Variants in LIMS1 observed in about 807,000 individuals in gnomAD.
LIMS1 encodes LIM zinc finger domain containing 1.
In LIMS1, 18 loss-of-function variants were observed where a neutral mutation model predicts 44.1. The ratio of observed to expected loss-of-function variants is 0.41; its 90% confidence interval spans 0.28 to 0.61. The LOEUF (loss-of-function observed/expected upper bound fraction) is 0.61. Ranked by LOEUF, LIMS1 falls within the 20% of genes least tolerant of loss-of-function variation. The probability of loss-of-function intolerance (pLI) is 0.32; values close to 1 mark genes in which losing one functional copy is unlikely to be tolerated. For synonymous variants in LIMS1, 93 were observed against 149.1 expected, an observed-to-expected ratio of 0.62 and a Z score of 2.74; for missense variants, 201 against 422.0, an observed-to-expected ratio of 0.48 and a Z score of 4.59.
chr2:108,595,460 CTATATT>C, intron 1 of LIMS1, among the ~76,000 whole-genome samples: 1 of 152,224 alleles, frequency 6.6e-6, no homozygotes, highest in East Asian at 1.9e-4. Flanking sequence ...AGGGACCATC[CTATATT>C]TATAATATTC....
chr2:108,591,157 G>A (rs1329663781), intron 1 of LIMS1, among the ~76,000 whole-genome samples: 2 of 152,164 alleles, frequency 1.3e-5, no homozygotes, highest in Non-Finnish European at 2.9e-5. Context: ...GAGCAAGATA[G>A]CAATACCATA....
intron 1 of LIMS1, among the ~76,000 whole-genome samples, chr2:108,579,900 A>C (rs538730302): frequency 1.1e-4 from 17 of 152,224 alleles, no homozygotes; most frequent in Non-Finnish European, 1.9e-4. Flanking sequence ...TTTAGGGAGG[A>C]AGGCAAGAGG....
intron 1 of LIMS1, among the ~76,000 whole-genome samples, chr2:108,578,537 C>T (rs1017275953): frequency 4.0e-5 from 6 of 151,804 alleles, no homozygotes; most frequent in Non-Finnish European, 7.4e-5. Flanking sequence ...AAAGCATTTC[C>T]GTTATCATAA....
At chr2:108,583,919 C>G (rs1201631098) in intron 1 of LIMS1, among the ~76,000 whole-genome samples, 1 of 151,982 alleles carries the variant, frequency 6.6e-6, no homozygotes, top group African/African-American at 2.4e-5. Context: ...ATTTTGAACT[C>G]CTGACCTCAA....
chr2:108,663,801 A>C (rs111857665), intron 2 of LIMS1, among the ~76,000 whole-genome samples: 8 of 149,418 alleles, frequency 5.4e-5, no homozygotes, highest in Admixed American at 2.0e-4. Flanking sequence ...GTTGCCCAGG[A>C]TGGAGTGCAA....
chr2:108,533,879 G>A (rs1684008808), upstream of LIMS1: 1 of 152,600 alleles, frequency 6.6e-6, no homozygotes, highest in African/African-American at 2.4e-5. Context: ...ACCCAGCGGT[G>A]ACCGATCCAG....
chr2:108,574,581 A>G lies in LIMS1; in HGVS notation c.32+39987A>G, dbSNP rs987802265. Among the ~76,000 whole-genome samples, 48 of 152,200 alleles carry G rather than the reference A, an allele frequency of 3.2e-4. 1 individual carries two copies. Among genetic ancestry groups the G allele is most frequent in the Admixed American group, 2.6e-3 (39 of 15,284 alleles). Reference sequence around the variant, plus strand: ...AATTGGGTTAGAGAGGAGGAGGAGTAGGGATGATGACTGTTTATAACTAGT... The same window carrying G: ...AATTGGGTTAGAGAGGAGGAGGAGTGGGGATGATGACTGTTTATAACTAGT... On this transcript the variant is annotated intron_variant, in intron 1 of 9. Transcript: ENST00000544547.
At chr2:108,616,271 C>T (rs1299458993) in intron 1 of LIMS1, among the ~76,000 whole-genome samples, 1 of 140,654 alleles carries the variant, frequency 7.1e-6, no homozygotes, top group East Asian at 2.3e-4. Context: ...AGTGGTGTGA[C>T]CATAGCTCAC....
intron 1 of LIMS1, among the ~76,000 whole-genome samples, chr2:108,629,337 G>A (rs182787778): frequency 1.1e-4 from 16 of 152,322 alleles, no homozygotes; most frequent in Admixed American, 3.3e-4. Flanking sequence ...AATGAACTTA[G>A]GATGGTCTTC....
chr2:108,606,375 A>G (rs1194871574), intron 1 of LIMS1, among the ~76,000 whole-genome samples: 1 of 152,226 alleles, frequency 6.6e-6, no homozygotes. Flanking sequence ...GGGATTCTTC[A>G]CCAAGGTGAA....
At chr2:108,686,288 C>G (rs1262735172) in exon 10 of LIMS1, 1 of 151,852 alleles carries the variant, frequency 6.6e-6, no homozygotes, top group Non-Finnish European at 1.5e-5. Flanking sequence ...CACTGCACTC[C>G]AGCCTGGGCA....
exon 10 of LIMS1, chr2:108,684,391 C>T (rs1415694419): frequency 6.6e-6 from 1 of 152,192 alleles, no homozygotes; most frequent in Admixed American, 6.5e-5. Flanking sequence ...AAAATTCCAA[C>T]TGCTGTTGGG....
chr2:108,558,787 C>T (rs1355531390), intron 1 of LIMS1, among the ~76,000 whole-genome samples: 1 of 151,642 alleles, frequency 6.6e-6, no homozygotes, highest in Non-Finnish European at 1.5e-5. Flanking sequence ...TCTCTTGCCT[C>T]AGCCTCTCGA....
At chr2:108,625,791 TTTAC>T (rs1688538154) in intron 1 of LIMS1, among the ~76,000 whole-genome samples, 1 of 152,220 alleles carries the variant, frequency 6.6e-6, no homozygotes. Context: ...AAATGTAACC[TTTAC>T]TTTCTGGTTA....
chr2:108,543,078 A>G (rs1684366487), intron 1 of LIMS1, among the ~76,000 whole-genome samples: 1 of 152,220 alleles, frequency 6.6e-6, no homozygotes, highest in South Asian at 2.1e-4. Context: ...TGAAGGACAC[A>G]TTGTCTAATA....
chr2:108,558,863 G>T (rs1573326323), intron 1 of LIMS1, among the ~76,000 whole-genome samples: 1 of 151,736 alleles, frequency 6.6e-6, no homozygotes. Context: ...TAGAGACGGG[G>T]TTTCACCATG....
chr2:108,672,570 G>C, intron 4 of LIMS1, 125 bp downstream of exon 4: 1 of 306,322 alleles, frequency 3.3e-6, no homozygotes, highest in Non-Finnish European at 5.4e-6. Flanking sequence ...TGGGAACTCA[G>C]ACACTGCAGT....
chr2:108,588,708 G>C (rs565643233), intron 1 of LIMS1: 50 of 675,280 alleles, frequency 7.4e-5, no homozygotes, highest in Middle Eastern at 1.5e-3. Flanking sequence ...AAGGATATTT[G>C]TTGAAACTCT....
intron 1 of LIMS1, among the ~76,000 whole-genome samples, chr2:108,627,185 T>C (rs1230983747): frequency 1.3e-5 from 2 of 152,216 alleles, no homozygotes; most frequent in Non-Finnish European, 2.9e-5. Flanking sequence ...TAGGTTTGTG[T>C]ATGTTTATGT....
Sources: allele counts gnomAD v4.1 joint callset (sites outside exome capture counted in the v4.1 genomes callset), GRCh38; gene constraint gnomAD v4.1.1; transcripts MANE v1.5; gene names NCBI Gene and HGNC (gene_info 2026-07-23, HGNC 2026-07-21).